Variants in SGF29 observed in about 807,000 individuals in gnomAD.
SGF29 encodes the protein SAGA-associated factor 29.
SGF29 carries 15 observed loss-of-function variants against 38.1 expected under a neutral mutation model. That is an observed-to-expected ratio of 0.39 (90% CI 0.26 to 0.61). SGF29 has a LOEUF of 0.61. Ranked by LOEUF, SGF29 falls within the 20% of genes least tolerant of loss-of-function variation. The pLI is 0.49. For synonymous variants in SGF29, 151 were observed against 160.8 expected (o/e 0.94, Z 0.46); for missense variants, 184 against 394.6 (o/e 0.47, Z 4.52).
intron 1 of SGF29, among the ~76,000 whole-genome samples, chr16:28,570,652 C>T (rs1029440086): frequency 1.3e-5 from 2 of 151,126 alleles, no homozygotes; most frequent in Admixed American, 1.3e-4. Flanking sequence ...GATCTCGGCT[C>T]ACTGCAACCT....
intron 1 of SGF29, among the ~76,000 whole-genome samples, chr16:28,554,323 C>T (rs532934073): frequency 1.1e-4 from 16 of 152,102 alleles, no homozygotes; most frequent in African/African-American, 3.9e-4. Flanking sequence ...CGCTCGAGGT[C>T]TGCGCTTGCG....
intron 2 of SGF29, among the ~76,000 whole-genome samples, chr16:28,583,520 C>T (rs2151651591): frequency 6.6e-6 from 1 of 152,332 alleles, no homozygotes; most frequent in East Asian, 1.9e-4. Context: ...GGTAAAGGCG[C>T]AACCCACCCA....
chr16:28,583,676 C>T (rs1044679138), intron 2 of SGF29, among the ~76,000 whole-genome samples: 3 of 152,218 alleles, frequency 2.0e-5, no homozygotes, highest in Non-Finnish European at 2.9e-5. Flanking sequence ...CATTCTTCCC[C>T]ACCCCTTCTT....
intron 1 of SGF29, among the ~76,000 whole-genome samples, chr16:28,564,607 A>G (rs934645754): frequency 3.9e-5 from 5 of 129,682 alleles, no homozygotes; most frequent in South Asian, 2.2e-4. Flanking sequence ...ATATATGTGT[A>G]TATATATACA....
intron 1 of SGF29, among the ~76,000 whole-genome samples, chr16:28,556,072 A>C (rs1052603343): frequency 3.9e-5 from 6 of 152,230 alleles, no homozygotes; most frequent in African/African-American, 1.4e-4. Flanking sequence ...TAAGGTTTAA[A>C]TGAGAAACAC....
chr16:28,587,163 A>G (rs2046960117), intron 4 of SGF29, among the ~76,000 whole-genome samples: 1 of 152,200 alleles, frequency 6.6e-6, no homozygotes, highest in East Asian at 1.9e-4. Context: ...CATAATTAAT[A>G]AGTGTCTTGG....
chr16:28,564,479 C>T (rs562071166), intron 1 of SGF29, among the ~76,000 whole-genome samples: 6 of 144,738 alleles, frequency 4.1e-5, no homozygotes, highest in South Asian at 4.3e-4. Context: ...GGTGTGTTAG[C>T]GTTCTCCAGA....
rs533830301 is a variant in SGF29 at position 28,579,556 on chromosome 16, C to T, written c.-15-1499C>T. Among the ~76,000 whole-genome samples the T allele has an allele frequency of 2.0e-5, 3 of 151,756 alleles. No individual in the cohort carries two copies. In the East Asian group the frequency reaches 5.9e-4, roughly 30 times the overall value. ...CAGGCATGAGCCACCACGCCCGGCC[C>T]TAATTATCTTTTATTGTACAGAAGC... On this transcript the variant is annotated intron_variant, in intron 1 of 9. Transcript: ENST00000317058.
intron 4 of SGF29, 147 bp from the exon 5 acceptor site, chr16:28,588,953 C>G: frequency 3.9e-6 from 3 of 768,488 alleles, no homozygotes; most frequent in Non-Finnish European, 6.6e-6. Flanking sequence ...ACCTGTCATT[C>G]CACCTGCGCA....
At chr16:28,589,043 G>A in intron 4 of SGF29, 57 bp from the exon 5 acceptor site, 1 of 1,587,126 alleles carries the variant, frequency 6.3e-7, no homozygotes. Flanking sequence ...AAATGGAAGA[G>A]AAGTCTATGC....
chr16:28,567,274 T>TA, intron 1 of SGF29, among the ~76,000 whole-genome samples: 1 of 152,290 alleles, frequency 6.6e-6, no homozygotes, highest in South Asian at 2.1e-4. Flanking sequence ...TGTAACAAAA[T>TA]ACCTTAGGCT....
intron 1 of SGF29, among the ~76,000 whole-genome samples, chr16:28,566,283 A>G (rs1025678082): frequency 6.6e-6 from 1 of 151,058 alleles, no homozygotes; most frequent in Non-Finnish European, 1.5e-5. Flanking sequence ...CAAAAAAAAA[A>G]AGAAAAAGAA....
intron 2 of SGF29, among the ~76,000 whole-genome samples, chr16:28,581,392 C>T (rs137974120): frequency 6.6e-6 from 1 of 152,284 alleles, no homozygotes; most frequent in Non-Finnish European, 1.5e-5. Flanking sequence ...ATACAACGCA[C>T]CCATTTAAAG....
intron 1 of SGF29, among the ~76,000 whole-genome samples, chr16:28,554,828 T>C (rs1439139373): frequency 6.6e-6 from 1 of 152,198 alleles, no homozygotes; most frequent in East Asian, 1.9e-4. Context: ...GATCTCTAGG[T>C]GGCCAAATGC....
chr16:28,567,904 T>C (rs1340641474), intron 1 of SGF29, among the ~76,000 whole-genome samples: 1 of 152,190 alleles, frequency 6.6e-6, no homozygotes, highest in Non-Finnish European at 1.5e-5. Flanking sequence ...GGGCCAAGGT[T>C]GAGGACTGCA....
intron 1 of SGF29, 118 bp from the exon 2 acceptor site, chr16:28,580,937 T>A (rs1271041915): frequency 2.6e-6 from 2 of 759,674 alleles, no homozygotes; most frequent in East Asian, 5.5e-5. Flanking sequence ...CGCCTTGGCC[T>A]CCCAAAGTGC....
chr16:28,554,460 A>C (rs1379400651), intron 1 of SGF29, among the ~76,000 whole-genome samples: 2 of 152,160 alleles, frequency 1.3e-5, no homozygotes, highest in Non-Finnish European at 2.9e-5. Flanking sequence ...GAACTCCAGC[A>C]CTTATTTTAT....
At chr16:28,584,815 A>T in intron 2 of SGF29, 98 bp from the exon 3 acceptor site, 266 of 587,158 alleles carry the variant, frequency 4.5e-4, no homozygotes, top group Non-Finnish European at 6.9e-4. Context: ...AAAGAAAATG[A>T]GGGCCGTATT....
intron 1 of SGF29, among the ~76,000 whole-genome samples, chr16:28,568,185 C>T (rs774612986): frequency 3.3e-5 from 5 of 151,580 alleles, no homozygotes; most frequent in Admixed American, 2.6e-4. Context: ...TGGTGGTCGG[C>T]GCCTATAATC....
Sources: gnomAD v4.1 joint callset for allele counts (sites outside exome capture counted in the v4.1 genomes callset) on GRCh38, gnomAD v4.1.1 for gene constraint, MANE v1.5 for transcripts, NCBI Gene and HGNC (gene_info 2026-07-23, HGNC 2026-07-21) for gene names.